Variants in CDH18 observed in about 807,000 individuals in gnomAD.
CDH18 encodes the protein cadherin-18.
Under a neutral mutation model 67.9 loss-of-function variants are expected in CDH18, and 31 were observed. That is an observed-to-expected ratio of 0.46 (90% confidence interval 0.34 to 0.62). The LOEUF is 0.62. CDH18 is among the 20% of genes least tolerant of loss of function. The pLI, the probability that CDH18 is intolerant of heterozygous loss-of-function variation, is 0.01. For missense variants in CDH18, 890 were observed against 975.5 expected (o/e 0.91, Z 1.17); for synonymous variants, 362 against 347.2 (o/e 1.04, Z -0.48).
At chr5:20,359,836 C>T (rs894869052) in intron 1 of CDH18, among the ~76,000 whole-genome samples, 4 of 152,084 alleles carry the variant, frequency 2.6e-5, no homozygotes, top group Admixed American at 1.3e-4. Context: ...TGGATAAAAA[C>T]GACCCAGTGA....
At chr5:19,845,369 GAA>G (rs1365338461) in intron 2 of CDH18, among the ~76,000 whole-genome samples, 1 of 151,982 alleles carries the variant, frequency 6.6e-6, no homozygotes, top group Non-Finnish European at 1.5e-5. Context: ...ATTGTATTTG[GAA>G]AAGACACCAG....
At chr5:19,601,635 C>CAA (rs34530883) in intron 6 of CDH18, among the ~76,000 whole-genome samples, 111,279 of 151,686 alleles carry the variant, frequency 0.73, 41,073 homozygotes, top group East Asian at 1. Context: ...CAAAAATAGA[C>CAA]AGACACTAAA....
chr5:20,569,753 T>C (rs1367844422), intron 1 of CDH18, among the ~76,000 whole-genome samples: 1 of 152,202 alleles, frequency 6.6e-6, no homozygotes, highest in African/African-American at 2.4e-5. Context: ...TTATTTATGA[T>C]TGTCAAAACT....
chr5:19,601,990 AT>A (rs1400888829), intron 6 of CDH18, among the ~76,000 whole-genome samples: 5 of 152,192 alleles, frequency 3.3e-5, no homozygotes, highest in African/African-American at 1.2e-4. Flanking sequence ...CCCACAACTA[AT>A]ATCACTAAAA....
At chr5:20,165,064 C>A (rs558509892) in intron 2 of CDH18, among the ~76,000 whole-genome samples, 1 of 152,128 alleles carries the variant, frequency 6.6e-6, no homozygotes, top group South Asian at 2.1e-4. Context: ...TTTTGACATA[C>A]AATTTAAATC....
At chr5:19,549,203 G>T (rs1736892144) in intron 8 of CDH18, among the ~76,000 whole-genome samples, 1 of 152,152 alleles carries the variant, frequency 6.6e-6, no homozygotes, top group African/African-American at 2.4e-5. Context: ...CCTCATGAAT[G>T]GTTTGGCCCC....
intron 9 of CDH18, among the ~76,000 whole-genome samples, chr5:19,529,014 T>A (rs1386317): frequency 1.3e-5 from 2 of 151,296 alleles, no homozygotes; most frequent in Non-Finnish European, 1.5e-5. Context: ...AAAGAGCAAC[T>A]GATTAAAACT....
chr5:20,076,916 A>C (rs1743993848), intron 2 of CDH18, among the ~76,000 whole-genome samples: 1 of 152,190 alleles, frequency 6.6e-6, no homozygotes, highest in Non-Finnish European at 1.5e-5. Context: ...GTTTTTCAAC[A>C]TGGTTCCATT....
chr5:20,143,210 T>G (rs2126533336), intron 2 of CDH18, among the ~76,000 whole-genome samples: 1 of 152,068 alleles, frequency 6.6e-6, no homozygotes, highest in South Asian at 2.1e-4. Context: ...TTAAAGGGGA[T>G]TCCGATGAAG....
At chr5:20,486,063 G>A (rs760832322) in intron 1 of CDH18, among the ~76,000 whole-genome samples, 5 of 152,172 alleles carry the variant, frequency 3.3e-5, no homozygotes, top group Non-Finnish European at 7.4e-5. Flanking sequence ...AAGAGTTGCT[G>A]TACCAGCGTG....
At chr5:20,441,552 G>A (rs1354934836) in intron 1 of CDH18, among the ~76,000 whole-genome samples, 2 of 151,562 alleles carry the variant, frequency 1.3e-5, no homozygotes, top group African/African-American at 4.9e-5. Context: ...ATATAAAAAA[G>A]GGCCAAATTG....
At chr5:20,039,183 G>A (rs898474172) in intron 2 of CDH18, among the ~76,000 whole-genome samples, 3 of 151,944 alleles carry the variant, frequency 2.0e-5, no homozygotes, top group Non-Finnish European at 2.9e-5. Context: ...CACTGCTCAA[G>A]GAAATAGGAG....
chr5:20,133,780 G>A (rs1346089281), intron 2 of CDH18, among the ~76,000 whole-genome samples: 2 of 151,862 alleles, frequency 1.3e-5, no homozygotes, highest in Non-Finnish European at 2.9e-5. Flanking sequence ...AATGATTTGT[G>A]TTGTTTTTTG....
intron 8 of CDH18, among the ~76,000 whole-genome samples, chr5:19,544,952 C>T (rs1307669949): frequency 6.6e-6 from 1 of 152,084 alleles, no homozygotes; most frequent in Non-Finnish European, 1.5e-5. Context: ...AACCCACCGA[C>T]ACATGCAGTG....
At chr5:20,255,684 C>T (rs1744181753) in intron 1 of CDH18, among the ~76,000 whole-genome samples, 1 of 151,506 alleles carries the variant, frequency 6.6e-6, no homozygotes, top group South Asian at 2.1e-4. Flanking sequence ...CTTTTTAGGG[C>T]ATGACATTTT....
chr5:20,245,085 G>C (rs544296652), intron 2 of CDH18, among the ~76,000 whole-genome samples: 1 of 152,196 alleles, frequency 6.6e-6, no homozygotes, highest in East Asian at 1.9e-4. Flanking sequence ...TAGTAGATAT[G>C]TCCTCAGTTC....
intron 10 of CDH18, among the ~76,000 whole-genome samples, chr5:19,509,817 T>G (rs1405278854): frequency 6.6e-6 from 1 of 152,206 alleles, no homozygotes; most frequent in African/African-American, 2.4e-5. Flanking sequence ...ATCATTCTAC[T>G]TTGGGAACTG....
intron 3 of CDH18, among the ~76,000 whole-genome samples, chr5:19,795,466 A>G (rs1776762760): frequency 6.6e-6 from 1 of 152,194 alleles, no homozygotes; most frequent in Admixed American, 6.6e-5. Flanking sequence ...ATTTTGTGCC[A>G]TCATGCAGCA....
At chr5:20,562,669 G>GA (rs1247984731) in intron 1 of CDH18, among the ~76,000 whole-genome samples, 10 of 151,192 alleles carry the variant, frequency 6.6e-5, no homozygotes, top group African/African-American at 2.4e-4. Flanking sequence ...GACCAGCCAA[G>GA]AAAAAAACAA....
Sources: gnomAD v4.1 joint callset for allele counts (sites outside exome capture counted in the v4.1 genomes callset) on GRCh38, gnomAD v4.1.1 for gene constraint, MANE v1.5 for transcripts, NCBI Gene and HGNC (gene_info 2026-07-23, HGNC 2026-07-21) for gene names.